Variants in CDH11 observed in about 807,000 individuals in gnomAD.
The protein encoded by CDH11 is cadherin-11.
A neutral mutation model predicts 67.8 loss-of-function variants in CDH11; 11 were observed. That is an observed-to-expected ratio of 0.16 (90% CI 0.10 to 0.27). The LOEUF (loss-of-function observed/expected upper bound fraction) is 0.27, where lower values mean the gene tolerates loss of function less well. Ranked by LOEUF, CDH11 falls within the 10% of genes least tolerant of loss-of-function variation. The pLI, the probability that CDH11 is intolerant of heterozygous loss-of-function variation, is 1.00. For missense variants in CDH11, 847 were observed against 1,031.2 expected (o/e 0.82, Z 2.45); for synonymous variants, 419 against 400.0 (o/e 1.05, Z -0.57).
intron 11 of CDH11, among the ~76,000 whole-genome samples, chr16:64,955,983 G>T (rs2071498388): frequency 6.6e-6 from 1 of 152,172 alleles, no homozygotes; most frequent in Admixed American, 6.5e-5. Flanking sequence ...AAGAGGTTCA[G>T]TGAGGACATA....
chr16:65,030,929 C>G (rs755826458), intron 2 of CDH11, among the ~76,000 whole-genome samples: 1 of 152,062 alleles, frequency 6.6e-6, no homozygotes, highest in Non-Finnish European at 1.5e-5. Flanking sequence ...CTTTCATTCC[C>G]CCAGGAGAAG....
At chr16:65,056,066 T>C (rs981226493) in intron 1 of CDH11, among the ~76,000 whole-genome samples, 2 of 152,194 alleles carry the variant, frequency 1.3e-5, no homozygotes, top group African/African-American at 4.8e-5. Context: ...GAAATTAAGA[T>C]CTGTGGTTTA....
chr16:64,948,155 T>C, intron 12 of CDH11, 56 bp from the exon 13 acceptor site: 1 of 1,560,354 alleles, frequency 6.4e-7, no homozygotes, highest in Non-Finnish European at 8.6e-7. Flanking sequence ...TCCTGGGTTC[T>C]TCTGCCAGAG....
intron 4 of CDH11, 58 bp from the exon 5 acceptor site, chr16:64,993,092 T>C: frequency 1.4e-6 from 2 of 1,433,070 alleles, no homozygotes; most frequent in East Asian, 4.5e-5. Context: ...ATTATGTTCT[T>C]GTTTACAAAG....
intron 8 of CDH11, among the ~76,000 whole-genome samples, chr16:64,978,391 A>T (rs1406183638): frequency 6.6e-6 from 1 of 152,202 alleles, no homozygotes; most frequent in East Asian, 1.9e-4. Context: ...TGTTTCAACT[A>T]CTCAACTCTG....
chr16:65,113,644 G>A (rs777479818), intron 1 of CDH11, among the ~76,000 whole-genome samples: 10 of 152,118 alleles, frequency 6.6e-5, no homozygotes, highest in Non-Finnish European at 1.0e-4. Context: ...GAAGCAGATG[G>A]GAGTGATGAG....
intron 1 of CDH11, among the ~76,000 whole-genome samples, chr16:65,068,431 A>G (rs970505810): frequency 7.4e-6 from 1 of 135,052 alleles, no homozygotes; most frequent in African/African-American, 2.8e-5. Flanking sequence ...AAAAAAAAAA[A>G]AAAAAAAAGA....
At chr16:65,083,105 A>C (rs2074638659) in intron 1 of CDH11, among the ~76,000 whole-genome samples, 1 of 152,150 alleles carries the variant, frequency 6.6e-6, no homozygotes, top group South Asian at 2.1e-4. Context: ...TAACTGAGAG[A>C]AATGACTTTT....
intron 1 of CDH11, chr16:65,094,630 T>G (rs985094794): frequency 1.3e-5 from 2 of 152,208 alleles, no homozygotes; most frequent in Non-Finnish European, 2.9e-5. Context: ...GCCTCTCCTT[T>G]GTACCCCTCT....
At chr16:64,951,087 G>C in intron 11 of CDH11, 69 bp from the exon 12 acceptor site, 1 of 1,510,732 alleles carries the variant, frequency 6.6e-7, no homozygotes, top group South Asian at 1.2e-5. Context: ...CTCTCTGCTC[G>C]GCAGATTTGA....
At position 64,945,693 on chromosome 16, in the gene CDH11, A is replaced by T; in HGVS notation, c.*1910T>A. 9.6e-7 allele frequency: 1 copy of T among 1,040,390 alleles called. No homozygotes were observed. Among genetic ancestry groups the T allele is most frequent in the East Asian group, 5.9e-5 (1 of 17,064 alleles). 64.4% of individuals were successfully genotyped at this position (1,040,390 alleles called of 1,614,324 possible). On this transcript the variant is annotated 3_prime_UTR_variant, in exon 13 of 13. Transcript: ENST00000268603. ...TTGTCCACAAAATGTATTCCATTGA[A>T]GTGTTCAGCCCAATTTGATTTCAAT...
chr16:65,048,922 G>A (rs573343681), intron 2 of CDH11, among the ~76,000 whole-genome samples: 1 of 151,874 alleles, frequency 6.6e-6, no homozygotes, highest in Non-Finnish European at 1.5e-5. Flanking sequence ...TGAAGCTGGA[G>A]GCTATTATCC....
chr16:64,959,127 T>G (rs1158138858), intron 11 of CDH11, among the ~76,000 whole-genome samples: 1 of 152,216 alleles, frequency 6.6e-6, no homozygotes, highest in Admixed American at 6.5e-5. Flanking sequence ...TACACACCAC[T>G]GTTCTTCCAA....
intron 2 of CDH11, among the ~76,000 whole-genome samples, chr16:65,033,188 G>A (rs1025271601): frequency 6.6e-6 from 1 of 151,162 alleles, no homozygotes; most frequent in Non-Finnish European, 1.5e-5. Context: ...CCTGCTTGCA[G>A]GGCTTGGTCT....
chr16:64,961,282 AC>A (rs1483705166), intron 11 of CDH11, among the ~76,000 whole-genome samples: 1 of 152,202 alleles, frequency 6.6e-6, no homozygotes, highest in Non-Finnish European at 1.5e-5. Flanking sequence ...AAATTGATTT[AC>A]TTGAAAATCT....
intron 1 of CDH11, among the ~76,000 whole-genome samples, chr16:65,067,183 A>C (rs894445378): frequency 1.4e-5 from 2 of 147,416 alleles, no homozygotes; most frequent in African/African-American, 4.9e-5. Flanking sequence ...CATGAAATAC[A>C]AAGAGTCAAC....
chr16:64,971,445 GC>G (rs1284133744), intron 11 of CDH11, 133 bp downstream of exon 11: 1 of 607,452 alleles, frequency 1.6e-6, no homozygotes, highest in Admixed American at 3.2e-5. Context: ...AACAGAGGTG[GC>G]ATTATTATTT....
Position 64,947,150 on chromosome 16 carries a change from T to C in CDH11, c.*453A>G, listed in dbSNP as rs2071216264. ...GGGTTTAAGCTGGCTGAATATTATA[T>C]ATTTCAAGTTTAAAAATGCACTACA... On this transcript the variant is annotated 3_prime_UTR_variant, in exon 13 of 13. Coordinates refer to ENST00000268603, the MANE Select transcript of CDH11 (RefSeq NM_001797.4). The C allele has an allele frequency of 8.6e-6, 9 of 1,046,792 alleles. No individual in the cohort carries two copies. The highest frequency in any genetic ancestry group is 1.0e-5 in the Non-Finnish European group (9 of 865,672). 64.8% of individuals were successfully genotyped at this position (1,046,792 alleles called of 1,614,324 possible).
intron 2 of CDH11, among the ~76,000 whole-genome samples, chr16:65,010,622 G>A (rs1430657170): frequency 6.6e-6 from 1 of 152,064 alleles, no homozygotes; most frequent in Non-Finnish European, 1.5e-5. Context: ...AAATGTTAAA[G>A]TAGGCAGCAA....
Sources: allele counts gnomAD v4.1 joint callset (sites outside exome capture counted in the v4.1 genomes callset), GRCh38; gene constraint gnomAD v4.1.1; transcripts MANE v1.5; gene names NCBI Gene and HGNC (gene_info 2026-07-23, HGNC 2026-07-21).